Variants in TSNAXIP1 observed in about 807,000 individuals in gnomAD.
The protein encoded by TSNAXIP1 is translin-associated factor X-interacting protein 1.
In TSNAXIP1, 89 loss-of-function variants were observed where a neutral mutation model predicts 84.8. The observed-to-expected ratio is 1.05, with a 90% CI of 0.88 to 1.25. TSNAXIP1 has a LOEUF of 1.25. Among genes scored for constraint, TSNAXIP1 ranks in the 50% most tolerant of loss-of-function variants. The pLI is 0.00. For synonymous variants in TSNAXIP1, 347 were observed against 335.2 expected (o/e 1.04, Z -0.39); for missense variants, 874 against 887.6 (o/e 0.98, Z 0.20).
chr16:67,826,806 G>A lies in TSNAXIP1; in HGVS notation c.1516G>A (p.Glu506Lys), dbSNP rs748370404. Residue 506 changes from glutamate to lysine, a missense_variant, in exon 12 of 16, where the codon GAG becomes AAG. By Grantham distance (56) the Glu-to-Lys change is moderately conservative. Transcript: ENST00000561639. ...FENIKIFHSN[E>K]VMSQFYAVLM... ...AAATATCAAGATCTTCCACTCCAAC[G>A]AGGTTATGAGTCAGTTCTATGCAGT... is the stretch of plus-strand genomic sequence containing the variant. 9.3e-6 allele frequency: 15 copies of A among 1,613,964 alleles called. No homozygotes were observed. The highest frequency in any genetic ancestry group is 8.9e-5 in the East Asian group (4 of 44,888).
At chr16:67,812,647 C>T (rs1395570036) in intron 1 of TSNAXIP1, among the ~76,000 whole-genome samples, 2 of 147,120 alleles carry the variant, frequency 1.4e-5, no homozygotes, top group Non-Finnish European at 3.0e-5. Flanking sequence ...GCCTGGGCAA[C>T]AGAGTCAGAC....
intron 2 of TSNAXIP1, among the ~76,000 whole-genome samples, chr16:67,816,310 A>G (rs1353136617): frequency 6.6e-6 from 1 of 152,030 alleles, no homozygotes; most frequent in Admixed American, 6.6e-5. Context: ...TGTTGATATG[A>G]TCATAGGATT....
chr16:67,820,887 A>G lies in TSNAXIP1; in HGVS notation c.196A>G (p.Thr66Ala). Residue 66 changes from threonine to alanine, a missense_variant, in exon 3 of 16, where the codon ACC becomes GCC. By Grantham distance (58) the Thr-to-Ala change is moderately conservative (BLOSUM62 0). Transcript: ENST00000561639. ...GGHLSPWPTY[T>A]SGQTILQNRK... The stretch of plus-strand genomic sequence containing the variant: ...GCACCTGTCCCCATGGCCCACATAC[A>G]CCAGTGGCCAGACCATTTTGCAAAA... 1 of 1,599,112 alleles carries G rather than the reference A, an allele frequency of 6.3e-7. No individual in the cohort carries two copies. Among genetic ancestry groups the G allele is most frequent in the Non-Finnish European group, 8.5e-7 (1 of 1,172,850 alleles).
intron 1 of TSNAXIP1, among the ~76,000 whole-genome samples, chr16:67,811,636 G>T (rs1472621365): frequency 6.6e-6 from 1 of 151,498 alleles, no homozygotes; most frequent in Non-Finnish European, 1.5e-5. Flanking sequence ...TAGAGACAGG[G>T]TTTCACTATG....
In TSNAXIP1 at chr16:67,827,973, G is replaced by C. The variant is rs1034697297; in HGVS notation, c.2119G>C (p.Glu707Gln). The change falls in exon 16 of 16, where the codon GAG becomes CAG. Residue 707 changes from glutamate (E) to glutamine (Q), a missense_variant. Physicochemically the swap from Glu to Gln is conservative, Grantham distance 29. Transcript: ENST00000561639. ...TGACATCAGGCGTGTGGGACCTCGA[G>C]AGCCAGAGCCTGCAAGCTAGGAACT... ...VIDIRRVGPREPEPAS is the reference protein window; with the variant it reads ...VIDIRRVGPRQPEPAS 1 of 1,613,180 alleles carries C rather than the reference G, an allele frequency of 6.2e-7. No homozygotes were observed. The highest frequency in any genetic ancestry group is 8.5e-7 in the Non-Finnish European group (1 of 1,179,846).
chr16:67,814,892 T>G (rs1416205516), intron 2 of TSNAXIP1, among the ~76,000 whole-genome samples: 2 of 152,086 alleles, frequency 1.3e-5, no homozygotes, highest in Non-Finnish European at 2.9e-5. Flanking sequence ...AGTAGGTGTG[T>G]GAAGGCAGGA....
At chr16:67,820,357 T>C (rs930662294) in intron 2 of TSNAXIP1, among the ~76,000 whole-genome samples, 1 of 152,184 alleles carries the variant, frequency 6.6e-6, no homozygotes, top group African/African-American at 2.4e-5. Flanking sequence ...AGTTGTGACA[T>C]AGCTAATAAG....
Position 67,808,652 on chromosome 16 carries a change from C to T in TSNAXIP1, c.47+1456C>T, listed in dbSNP as rs544659464. On this transcript the variant is annotated intron_variant, in intron 1 of 15. Transcript: ENST00000561639. Reference sequence around the variant, plus strand: ...ACTTGGGAGGCTGAGGCAGGAGAATCGCTTGAACCAGGGAGGCAGAGGGCA... The same window carrying T: ...ACTTGGGAGGCTGAGGCAGGAGAATTGCTTGAACCAGGGAGGCAGAGGGCA... Among the ~76,000 whole-genome samples the T allele has an allele frequency of 3.6e-3, 534 of 149,790 alleles. 4 individuals are homozygous for T. Among genetic ancestry groups the T allele is most frequent in the African/African-American group, 0.012 (500 of 40,508 alleles).
chr16:67,826,809 G>T lies in TSNAXIP1; in HGVS notation c.1519G>T (p.Val507Phe). 1.2e-6 allele frequency: 2 copies of T among 1,613,970 alleles called. No individual in the cohort carries two copies. Among genetic ancestry groups the T allele is most frequent in the South Asian group, 2.2e-5 (2 of 91,082 alleles). ...ENIKIFHSNE[V>F]MSQFYAVLMG... ...TATCAAGATCTTCCACTCCAACGAG[G>T]TTATGAGTCAGTTCTATGCAGTCTT... Residue 507 changes from valine to phenylalanine, a missense_variant, in exon 12 of 16, where the codon GTT (valine) becomes TTT (phenylalanine). By Grantham distance (50) the Val-to-Phe change is conservative. Transcript: ENST00000561639.
chr16:67,821,950 ACT>A (rs2057092159), intron 4 of TSNAXIP1, among the ~76,000 whole-genome samples: 1 of 151,894 alleles, frequency 6.6e-6, no homozygotes, highest in African/African-American at 2.4e-5. Flanking sequence ...ATGCCACTGC[ACT>A]ACAGCCTGGG....
intron 3 of TSNAXIP1, 25 bp downstream of exon 3, chr16:67,820,976 G>A (rs756115321): frequency 1.7e-5 from 27 of 1,588,348 alleles, no homozygotes; most frequent in Non-Finnish European, 2.2e-5. Context: ...GTCCCATGGT[G>A]GGTGAGCTGG....
chr16:67,826,534 C>A lies in TSNAXIP1; in HGVS notation c.1373C>A (p.Ala458Asp). ...GACGTGGTCAACCTCCTCAAGGATG[C>A]CTGGAAGGAACGTCTTGCTGAGGAG... ...KKDVVNLLKDAWKERLAEEQK... is the reference protein window; with the variant it reads ...KKDVVNLLKDDWKERLAEEQK... Residue 458 changes from alanine (A) to aspartate (D), a missense_variant, in exon 11 of 16, where the codon GCC becomes GAC. Ala to Asp is a moderately radical substitution (Grantham distance 126). Transcript: ENST00000561639. 1 of 1,614,138 alleles carries A rather than the reference C, an allele frequency of 6.2e-7. No homozygotes were observed. Among genetic ancestry groups the A allele is most frequent in the Non-Finnish European group, 8.5e-7 (1 of 1,180,016 alleles).
intron 2 of TSNAXIP1, among the ~76,000 whole-genome samples, chr16:67,814,780 A>G (rs2056404850): frequency 2.0e-5 from 3 of 152,124 alleles, no homozygotes; most frequent in Admixed American, 2.0e-4. Context: ...CAGATCTGCC[A>G]AGGTCCTTCA....
Position 67,827,530 on chromosome 16 carries a change from GAGA to G in TSNAXIP1, c.1852_1854del (p.Lys618del), listed in dbSNP as rs1217776020. 6.2e-7 allele frequency: 1 copy of G among 1,614,208 alleles called. No homozygotes were observed. Among genetic ancestry groups the G allele is most frequent in the East Asian group, 2.2e-5 (1 of 44,886 alleles). ...AAAACTCTGGGAACAATACATGGAT[GAGA>G]AGGACGAGTACTTACAGCAGCTAAA... On this transcript the variant is annotated inframe_deletion, in exon 15 of 16. Transcript: ENST00000561639.
chr16:67,826,744 C>T lies in TSNAXIP1; in HGVS notation c.1454C>T (p.Pro485Leu). Residue 485 changes from proline (P) to leucine (L), a missense_variant, in exon 12 of 16, where the codon CCC becomes CTC. Transcript: ENST00000561639. ...FFNFLEHRFG[P>L]SDAMAWAYTI... ...AATTTCCTGGAGCATCGCTTTGGGC[C>T]CAGTGATGCCATGGCCTGGGCTTAT... 6.2e-7 allele frequency: 1 copy of T among 1,614,088 alleles called. No homozygotes were observed. Among genetic ancestry groups the T allele is most frequent in the Non-Finnish European group, 8.5e-7 (1 of 1,179,998 alleles).
chr16:67,814,243 G>T, intron 1 of TSNAXIP1, 59 bp from the exon 2 acceptor site: 2 of 1,327,164 alleles, frequency 1.5e-6, no homozygotes, highest in Non-Finnish European at 1.0e-6. Flanking sequence ...GAAAGGATGG[G>T]AGTTCTCTTC....
intron 2 of TSNAXIP1, among the ~76,000 whole-genome samples, chr16:67,816,251 G>A (rs1240327342): frequency 6.6e-6 from 1 of 152,154 alleles, no homozygotes; most frequent in Non-Finnish European, 1.5e-5. Flanking sequence ...ACAGGCGTGA[G>A]CCACTGTACC....
rs1484693767 is a variant in TSNAXIP1 at position 67,825,240 on chromosome 16, A to C, written c.782A>C (p.Gln261Pro). 1 of 1,614,186 alleles carries C rather than the reference A, an allele frequency of 6.2e-7. No homozygotes were observed. The highest frequency in any genetic ancestry group is 1.3e-5 in the African/African-American group (1 of 75,050). The change falls in exon 7 of 16, where the codon CAG (glutamine) becomes CCG (proline). Residue 261 changes from glutamine (Q) to proline (P), a missense_variant. Physicochemically the swap from Gln to Pro is moderately conservative, Grantham distance 76. Transcript: ENST00000561639. The part of the protein sequence containing the change: ...LIADLNELRY[Q>P]REDMSLAQSP... ...GCAGACCTGAATGAGCTGCGGTACC[A>C]GCGGGAGGACATGTCATTAGCCCAG...
chr16:67,807,480 T>C, intron 1 of TSNAXIP1: 1 of 1,150,862 alleles, frequency 8.7e-7, no homozygotes, highest in Non-Finnish European at 1.1e-6. Flanking sequence ...ATATTTTATT[T>C]TTGAGACAAG....
Sources: gnomAD v4.1 joint callset for allele counts (sites outside exome capture counted in the v4.1 genomes callset) on GRCh38, gnomAD v4.1.1 for gene constraint, MANE v1.5 for transcripts, NCBI Gene and HGNC (gene_info 2026-07-23, HGNC 2026-07-21) for gene names.